The following TMEM132D variants were observed in gnomAD, a reference collection of about 807,000 sequenced individuals.
TMEM132D encodes mature OL transmembrane protein.
In TMEM132D, 21 loss-of-function variants were observed where a neutral mutation model predicts 62.3. The observed-to-expected ratio is 0.34, with a 90% CI of 0.24 to 0.49. The LOEUF (loss-of-function observed/expected upper bound fraction) is 0.49. Ranked by LOEUF, TMEM132D falls within the 20% of genes least tolerant of loss-of-function variation. The pLI, the probability that TMEM132D is intolerant of heterozygous loss-of-function variation, is 0.99. For synonymous variants in TMEM132D, 621 were observed against 575.6 expected, an observed-to-expected ratio of 1.08 and a Z score of -1.13; for missense variants, 1,346 against 1,402.8, an observed-to-expected ratio of 0.96 and a Z score of 0.65.
intron 2 of TMEM132D, among the ~76,000 whole-genome samples, chr12:129,693,839 T>C (rs1881125424): frequency 6.6e-6 from 1 of 152,306 alleles, no homozygotes; most frequent in South Asian, 2.1e-4. Context: ...ATGCGATGTA[T>C]GCGACGTATG....
intron 1 of TMEM132D, among the ~76,000 whole-genome samples, chr12:129,863,635 A>G (rs1772166299): frequency 6.6e-6 from 1 of 152,220 alleles, no homozygotes; most frequent in Non-Finnish European, 1.5e-5. Context: ...CTGATAGAAA[A>G]TAAGAATTCA....
At chr12:129,682,663 T>C (rs1700443500) in intron 2 of TMEM132D, among the ~76,000 whole-genome samples, 1 of 151,836 alleles carries the variant, frequency 6.6e-6, no homozygotes. Context: ...ATCAAGACCA[T>C]CCTGGCTAAC....
intron 2 of TMEM132D, among the ~76,000 whole-genome samples, chr12:129,617,720 T>C (rs1485079357): frequency 6.6e-6 from 1 of 152,118 alleles, no homozygotes; most frequent in Non-Finnish European, 1.5e-5. Context: ...AATGTCATCT[T>C]CTCACTGCAT....
At chr12:129,632,302 C>T (rs551601707) in intron 2 of TMEM132D, among the ~76,000 whole-genome samples, 2 of 152,262 alleles carry the variant, frequency 1.3e-5, no homozygotes, top group East Asian at 1.9e-4. Context: ...GTGCCTACGG[C>T]TTGCTTAGTT....
At chr12:129,653,330 G>A (rs1467575012) in intron 2 of TMEM132D, among the ~76,000 whole-genome samples, 1 of 152,184 alleles carries the variant, frequency 6.6e-6, no homozygotes, top group African/African-American at 2.4e-5. Flanking sequence ...AGTGCAATGT[G>A]AAGGTGCTGG....
In TMEM132D at chr12:129,536,109, G is replaced by A. The variant is rs564801012; in HGVS notation, c.969-4904C>T. Among the ~76,000 whole-genome samples, 195 of 152,302 alleles carry A rather than the reference G, an allele frequency of 1.3e-3. 1 individual carries two copies. The highest frequency in any genetic ancestry group is 4.6e-3 in the African/African-American group (191 of 41,580). ...TGCTTCTCTCACTTCTGAAATGAAA[G>A]ATTTGTCTACATGTGTCTCCCCCAG... On this transcript the variant is annotated intron_variant, in intron 2 of 8. Coordinates refer to ENST00000422113, the MANE Select transcript of TMEM132D (RefSeq NM_133448.3).
intron 3 of TMEM132D, among the ~76,000 whole-genome samples, chr12:129,402,840 G>T (rs1049267223): frequency 2.1e-5 from 3 of 143,748 alleles, no homozygotes; most frequent in Non-Finnish European, 3.0e-5. Context: ...TGGGTCCTGG[G>T]GTGGGACAGC....
At chr12:129,205,884 T>G (rs1213522005) in intron 5 of TMEM132D, among the ~76,000 whole-genome samples, 1 of 151,914 alleles carries the variant, frequency 6.6e-6, no homozygotes, top group Non-Finnish European at 1.5e-5. Context: ...AATCATAAAA[T>G]TACATGGAAG....
At chr12:129,511,667 C>T (rs952027438) in intron 3 of TMEM132D, among the ~76,000 whole-genome samples, 9 of 152,242 alleles carry the variant, frequency 5.9e-5, no homozygotes, top group Admixed American at 1.3e-4. Flanking sequence ...ATATGTTGCC[C>T]ATTTTTTAAC....
intron 5 of TMEM132D, among the ~76,000 whole-genome samples, chr12:129,159,827 T>C (rs940423082): frequency 6.9e-6 from 1 of 144,630 alleles, no homozygotes; most frequent in Non-Finnish European, 1.5e-5. Flanking sequence ...GGAAAACAGA[T>C]ATGGTTCTAA....
chr12:129,638,704 A>G (rs1055235652), intron 2 of TMEM132D, among the ~76,000 whole-genome samples: 1 of 151,814 alleles, frequency 6.6e-6, no homozygotes, highest in Non-Finnish European at 1.5e-5. Context: ...TATCATCAGT[A>G]TCTCTTGCTA....
intron 3 of TMEM132D, among the ~76,000 whole-genome samples, chr12:129,428,095 C>T (rs1462559289): frequency 1.3e-5 from 2 of 152,004 alleles, no homozygotes; most frequent in Admixed American, 1.3e-4. Context: ...AAACAGGGAC[C>T]ACAAGCAAAC....
chr12:129,447,241 T>C (rs191196523), intron 3 of TMEM132D, among the ~76,000 whole-genome samples: 11 of 152,334 alleles, frequency 7.2e-5, no homozygotes, highest in Non-Finnish European at 1.0e-4. Flanking sequence ...GAGGCATTTC[T>C]ATCTCAGGAA....
rs1234825804 is a variant in TMEM132D at position 129,254,565 on chromosome 12, G to A, written c.1300-44902C>T. ...GAGTATCTAAATTATAGATTTGGGAGAGTATTAAATGAGATTATGTCTGTA... is the reference window on the plus strand; with the variant it reads ...GAGTATCTAAATTATAGATTTGGGAAAGTATTAAATGAGATTATGTCTGTA... On this transcript the variant is annotated intron_variant, in intron 4 of 8. Coordinates refer to ENST00000422113, the MANE Select transcript of TMEM132D (RefSeq NM_133448.3). Among the ~76,000 whole-genome samples, 4 of 152,120 alleles carry A rather than the reference G, an allele frequency of 2.6e-5. No homozygotes were observed. The South Asian group carries it at 6.2e-4, about 24-fold the overall frequency.
chr12:129,468,026 G>C (rs1873967629), intron 3 of TMEM132D, among the ~76,000 whole-genome samples: 1 of 152,206 alleles, frequency 6.6e-6, no homozygotes, highest in Non-Finnish European at 1.5e-5. Context: ...GTGACACTTG[G>C]ATTCAGGAAC....
chr12:129,752,255 C>T (rs1047231262), intron 1 of TMEM132D, among the ~76,000 whole-genome samples: 90 of 152,270 alleles, frequency 5.9e-4, no homozygotes, highest in Non-Finnish European at 6.8e-4. Flanking sequence ...ACACACCCCC[C>T]TCAATGCATG....
At chr12:129,786,569 C>G (rs1373671348) in intron 1 of TMEM132D, among the ~76,000 whole-genome samples, 1 of 152,012 alleles carries the variant, frequency 6.6e-6, no homozygotes, top group Non-Finnish European at 1.5e-5. Flanking sequence ...CTTCATCCAA[C>G]TGGATGGTTT....
At chr12:129,405,336 C>T (rs1871749594) in intron 3 of TMEM132D, among the ~76,000 whole-genome samples, 2 of 152,294 alleles carry the variant, frequency 1.3e-5, no homozygotes, top group Admixed American at 1.3e-4. Flanking sequence ...GCTCTACCCT[C>T]ATGACCTTAC....
At chr12:129,526,232 A>G (rs574822362) in intron 3 of TMEM132D, among the ~76,000 whole-genome samples, 1 of 152,116 alleles carries the variant, frequency 6.6e-6, no homozygotes, top group Non-Finnish European at 1.5e-5. Context: ...TTCTTTATAA[A>G]TTGACAAAAT....
Sources: gnomAD v4.1 joint callset for allele counts (sites outside exome capture counted in the v4.1 genomes callset) on GRCh38, gnomAD v4.1.1 for gene constraint, MANE v1.5 for transcripts, NCBI Gene and HGNC (gene_info 2026-07-23, HGNC 2026-07-21) for gene names.